Variants in LSAMP observed in about 807,000 individuals in gnomAD.
The protein encoded by LSAMP is limbic system associated membrane protein, also known as limbic system-associated membrane protein.
LSAMP carries 7 observed loss-of-function variants against 38.6 expected under a neutral mutation model. The ratio of observed to expected loss-of-function variants is 0.18; its 90% confidence interval spans 0.10 to 0.34. LSAMP has a LOEUF of 0.34. Ranked by LOEUF, LSAMP falls within the 10% of genes least tolerant of loss-of-function variation. The pLI is 1.00. For missense variants in LSAMP, 313 were observed against 420.0 expected (o/e 0.75, Z 2.23); for synonymous variants, 154 against 166.8 (o/e 0.92, Z 0.59).
intron 2 of LSAMP, among the ~76,000 whole-genome samples, chr3:116,077,898 G>A (rs138813442): frequency 1.5e-4 from 23 of 152,252 alleles, no homozygotes; most frequent in Admixed American, 4.6e-4. Context: ...GCCCAATGTC[G>A]TCCTATTATT....
chr3:116,305,145 A>G (rs1012359500), intron 1 of LSAMP, among the ~76,000 whole-genome samples: 4 of 152,084 alleles, frequency 2.6e-5, no homozygotes, highest in Non-Finnish European at 5.9e-5. Flanking sequence ...GAGAAATACA[A>G]ATGGGGATGC....
At chr3:115,936,352 C>G (rs1387505316) in intron 3 of LSAMP, among the ~76,000 whole-genome samples, 1 of 152,196 alleles carries the variant, frequency 6.6e-6, no homozygotes, top group East Asian at 1.9e-4. Context: ...GCCCCTGACA[C>G]TTCAGAAATT....
At chr3:116,290,145 C>A (rs896670705) in intron 1 of LSAMP, among the ~76,000 whole-genome samples, 1 of 152,128 alleles carries the variant, frequency 6.6e-6, no homozygotes, top group African/African-American at 2.4e-5. Flanking sequence ...AGTGGGTATA[C>A]AACTCCCTCA....
intron 3 of LSAMP, among the ~76,000 whole-genome samples, chr3:115,999,982 G>T (rs1169724332): frequency 6.6e-6 from 1 of 152,128 alleles, no homozygotes; most frequent in Non-Finnish European, 1.5e-5. Flanking sequence ...GTGATGCAGG[G>T]GTATGTGTGG....
At chr3:116,336,956 ATATATATATG>A (rs1338745779) in intron 1 of LSAMP, among the ~76,000 whole-genome samples, 1 of 151,602 alleles carries the variant, frequency 6.6e-6, no homozygotes, top group Non-Finnish European at 1.5e-5. Flanking sequence ...ACACACACAC[ATATATATATG>A]TGTGTGTGTA....
chr3:116,083,464 T>C (rs143599897), intron 2 of LSAMP, among the ~76,000 whole-genome samples: 82 of 152,300 alleles, frequency 5.4e-4, no homozygotes, highest in African/African-American at 1.9e-3. Flanking sequence ...CCAAAGTGTA[T>C]TTAAACAGCA....
intron 3 of LSAMP, among the ~76,000 whole-genome samples, chr3:115,939,570 T>TTCTTTTTTTCTTTCTTTC (rs1937832762): frequency 7.3e-6 from 1 of 136,764 alleles, no homozygotes; most frequent in Non-Finnish European, 1.6e-5. Flanking sequence ...CTTTCTTTCT[T>TTCTTTTTTTCTTTCTTTC]TCTTTCTTTC....
chr3:116,094,938 T>C (rs1174433451), intron 1 of LSAMP, among the ~76,000 whole-genome samples: 1 of 152,206 alleles, frequency 6.6e-6, no homozygotes, highest in African/African-American at 2.4e-5. Context: ...AAACATTTCA[T>C]AAAACAAAGC....
chr3:116,186,793 C>T (rs1220394254), intron 1 of LSAMP, among the ~76,000 whole-genome samples: 1 of 152,088 alleles, frequency 6.6e-6, no homozygotes, highest in Non-Finnish European at 1.5e-5. Flanking sequence ...TTTACTCCTT[C>T]CCTCTGTCCT....
rs772655246 is a variant in LSAMP, at chr3:115,816,687, A to G, written c.920-6273T>C. 1.7e-5 allele frequency: 20 copies of G among 1,165,912 alleles called. 1 individual carries two copies. The South Asian group carries it at 2.2e-4, about 13-fold the overall frequency. 72.2% of individuals were successfully genotyped at this position (1,165,912 alleles called of 1,614,324 possible). A position where few individuals can be genotyped will look rare whatever the true frequency, so the allele number is the denominator to read the frequency against. ...TTAAGCAAAACAAAAACAAATAAAA[A>G]ATCTTTATCAATTAAGAAGAAACAC... On this transcript the variant is annotated intron_variant, in intron 6 of 6. Transcript: ENST00000490035.
At chr3:116,133,463 T>C (rs1478258769) in intron 1 of LSAMP, among the ~76,000 whole-genome samples, 1 of 151,720 alleles carries the variant, frequency 6.6e-6, no homozygotes, top group Non-Finnish European at 1.5e-5. Flanking sequence ...CTAATATTAA[T>C]TTAATTTAAT....
At chr3:116,165,608 T>C (rs1326532058) in intron 1 of LSAMP, among the ~76,000 whole-genome samples, 1 of 151,924 alleles carries the variant, frequency 6.6e-6, no homozygotes, top group Non-Finnish European at 1.5e-5. Context: ...AAATAATAAT[T>C]AAGGAAAATT....
chr3:116,214,908 T>C (rs1019042632), intron 1 of LSAMP, among the ~76,000 whole-genome samples: 3 of 152,128 alleles, frequency 2.0e-5, no homozygotes, highest in Non-Finnish European at 4.4e-5. Flanking sequence ...ATAATAAATT[T>C]CAATGAACTG....
intron 3 of LSAMP, among the ~76,000 whole-genome samples, chr3:115,854,181 C>A (rs1935420540): frequency 6.6e-6 from 1 of 150,896 alleles, no homozygotes. Flanking sequence ...TGAAGTTCTG[C>A]ACATTATCTT....
intron 1 of LSAMP, among the ~76,000 whole-genome samples, chr3:116,380,581 T>A (rs556561457): frequency 1.9e-4 from 29 of 152,120 alleles, no homozygotes; most frequent in Non-Finnish European, 3.5e-4. Flanking sequence ...GTATATGTTT[T>A]TCCTCATTAT....
intron 1 of LSAMP, among the ~76,000 whole-genome samples, chr3:116,242,778 C>G (rs950900012): frequency 1.3e-5 from 2 of 151,326 alleles, no homozygotes; most frequent in Non-Finnish European, 2.9e-5. Flanking sequence ...AAAAAAAACA[C>G]TAAAGATTGT....
At chr3:116,250,553 TA>T (rs1473925067) in intron 1 of LSAMP, among the ~76,000 whole-genome samples, 1 of 151,966 alleles carries the variant, frequency 6.6e-6, no homozygotes, top group African/African-American at 2.4e-5. Flanking sequence ...GGTTGTGATT[TA>T]AAAAAACAAA....
chr3:115,993,540 C>T (rs902624898), intron 3 of LSAMP, among the ~76,000 whole-genome samples: 1 of 151,860 alleles, frequency 6.6e-6, no homozygotes, highest in African/African-American at 2.4e-5. Flanking sequence ...AACTTGTCTA[C>T]TCAGTTTTCT....
intron 1 of LSAMP, chr3:116,360,128 G>C (rs2107778008): frequency 6.8e-6 from 1 of 147,826 alleles, no homozygotes; most frequent in East Asian, 2.0e-4. Context: ...GTGCCAGACA[G>C]TGGGCGCAGG....
Sources: allele counts gnomAD v4.1 joint callset (sites outside exome capture counted in the v4.1 genomes callset), GRCh38; gene constraint gnomAD v4.1.1; transcripts MANE v1.5; gene names NCBI Gene and HGNC (gene_info 2026-07-23, HGNC 2026-07-21).